Variants in EXOC6B observed in about 807,000 individuals in gnomAD.
EXOC6B encodes SEC15 homolog B.
EXOC6B carries 54 observed loss-of-function variants against 113.5 expected under a neutral mutation model. That is an observed-to-expected ratio of 0.48 (90% CI 0.38 to 0.60). The LOEUF (loss-of-function observed/expected upper bound fraction) is 0.60. Ranked by LOEUF, EXOC6B falls within the 20% of genes least tolerant of loss-of-function variation. The pLI, the probability that EXOC6B is intolerant of heterozygous loss-of-function variation, is 0.00. For synonymous variants in EXOC6B, 357 were observed against 339.0 expected (o/e 1.05, Z -0.58); for missense variants, 797 against 977.5 (o/e 0.82, Z 2.46).
At chr2:72,687,870 G>A (rs1573624653) in intron 6 of EXOC6B, among the ~76,000 whole-genome samples, 2 of 152,222 alleles carry the variant, frequency 1.3e-5, no homozygotes, top group East Asian at 1.9e-4. Flanking sequence ...CTGAAAACAG[G>A]GGATTAAGTA....
chr2:72,265,150 T>C (rs991007539), intron 20 of EXOC6B, among the ~76,000 whole-genome samples: 67 of 152,170 alleles, frequency 4.4e-4, no homozygotes, highest in African/African-American at 1.5e-3. Flanking sequence ...CTGTTAGTGA[T>C]ATGGACAATG....
chr2:72,248,344 G>C (rs996366664), intron 20 of EXOC6B, among the ~76,000 whole-genome samples: 1 of 152,022 alleles, frequency 6.6e-6, no homozygotes, highest in African/African-American at 2.4e-5. Context: ...ATCATAAATA[G>C]CACTTAGTAG....
At chr2:72,248,638 C>T (rs1283985802) in intron 20 of EXOC6B, among the ~76,000 whole-genome samples, 2 of 152,076 alleles carry the variant, frequency 1.3e-5, no homozygotes, top group Non-Finnish European at 2.9e-5. Context: ...TTGTTCATTG[C>T]TTAATCTCTT....
chr2:72,287,244 A>C (rs903432751), intron 20 of EXOC6B, among the ~76,000 whole-genome samples: 1 of 151,860 alleles, frequency 6.6e-6, no homozygotes, highest in Non-Finnish European at 1.5e-5. Context: ...CCTGGCTAAC[A>C]CGATGAAACC....
At chr2:72,495,927 A>T (rs369588309) in intron 14 of EXOC6B, among the ~76,000 whole-genome samples, 7 of 152,180 alleles carry the variant, frequency 4.6e-5, no homozygotes, top group African/African-American at 1.7e-4. Context: ...AAGTAGATGC[A>T]CAGAGCCCAG....
chr2:72,574,299 T>C (rs1035932473), intron 7 of EXOC6B, among the ~76,000 whole-genome samples: 5 of 151,862 alleles, frequency 3.3e-5, no homozygotes, highest in Non-Finnish European at 5.9e-5. Flanking sequence ...ATAATGACAA[T>C]AGAGATACAT....
chr2:72,577,679 T>C (rs757535271), intron 6 of EXOC6B, among the ~76,000 whole-genome samples: 6 of 151,454 alleles, frequency 4.0e-5, no homozygotes, highest in Non-Finnish European at 8.8e-5. Context: ...ATACATATAA[T>C]ATATATTAAA....
Position 72,697,825 on chromosome 2 carries a change from T to C in EXOC6B, c.669+20278A>G, listed in dbSNP as rs554689427. 2.6e-5 allele frequency among the ~76,000 whole-genome samples: 4 copies of C among 152,336 alleles called. No homozygotes were observed. In the East Asian group the frequency reaches 7.7e-4, roughly 29 times the overall value. ...ACTCCACCATCCCACAATATTTTAC[T>C]TACTACACTAATATCACTACAACTA... On this transcript the variant is annotated intron_variant, in intron 6 of 21. Transcript: ENST00000272427.
At chr2:72,555,420 G>T (rs1573384559) in intron 8 of EXOC6B, among the ~76,000 whole-genome samples, 1 of 152,126 alleles carries the variant, frequency 6.6e-6, no homozygotes, top group African/African-American at 2.4e-5. Flanking sequence ...AGCATCTGTT[G>T]TTTCCTGACT....
At chr2:72,402,255 G>A (rs986934658) in intron 18 of EXOC6B, among the ~76,000 whole-genome samples, 3 of 151,828 alleles carry the variant, frequency 2.0e-5, no homozygotes, top group Admixed American at 1.3e-4. Context: ...GGAATTTGTC[G>A]ATTTCATCTA....
chr2:72,645,696 G>T (rs1289603487), intron 6 of EXOC6B, among the ~76,000 whole-genome samples: 1 of 152,088 alleles, frequency 6.6e-6, no homozygotes, highest in Non-Finnish European at 1.5e-5. Flanking sequence ...TGACTACTGG[G>T]TAAATAAAAA....
chr2:72,403,842 G>C (rs567673585), intron 18 of EXOC6B, among the ~76,000 whole-genome samples: 2 of 152,168 alleles, frequency 1.3e-5, no homozygotes, highest in East Asian at 1.9e-4. Flanking sequence ...CATCTCAGTG[G>C]GGGGTGTCAG....
chr2:72,609,972 C>A (rs927627027), intron 6 of EXOC6B, among the ~76,000 whole-genome samples: 1 of 151,840 alleles, frequency 6.6e-6, no homozygotes, highest in Non-Finnish European at 1.5e-5. Flanking sequence ...GTTTAAAGTG[C>A]TGAAGAAAAA....
At chr2:72,619,179 C>CAGAGAGAGAGAGAG (rs139874004) in intron 6 of EXOC6B, among the ~76,000 whole-genome samples, 1 of 145,826 alleles carries the variant, frequency 6.9e-6, no homozygotes, top group East Asian at 2.0e-4. Flanking sequence ...AATACACAGC[C>CAGAGAGAGAGAGAG]AGAGAGAGAG....
intron 6 of EXOC6B, among the ~76,000 whole-genome samples, chr2:72,688,507 T>C (rs2104577565): frequency 6.6e-6 from 1 of 151,398 alleles, no homozygotes; most frequent in South Asian, 2.1e-4. Context: ...CCAGCTTCCA[T>C]GAGTTATGAG....
intron 16 of EXOC6B, among the ~76,000 whole-genome samples, chr2:72,487,820 A>T (rs1699520797): frequency 6.6e-6 from 1 of 152,250 alleles, no homozygotes; most frequent in South Asian, 2.1e-4. Flanking sequence ...AAAGGTACAT[A>T]CTATCAACAT....
At chr2:72,536,493 A>T (rs1283269994) in intron 8 of EXOC6B, among the ~76,000 whole-genome samples, 2 of 152,172 alleles carry the variant, frequency 1.3e-5, no homozygotes, top group Non-Finnish European at 2.9e-5. Context: ...ATATCTTACC[A>T]TCACTTTTTT....
At chr2:72,225,017 CTT>C (rs561909036) in intron 20 of EXOC6B, among the ~76,000 whole-genome samples, 4 of 104,460 alleles carry the variant, frequency 3.8e-5, no homozygotes, top group Non-Finnish European at 4.5e-5. Flanking sequence ...AATACACATA[CTT>C]TTTTTTTTTT....
intron 2 of EXOC6B, 133 bp from the exon 3 acceptor site, chr2:72,733,251 A>G: frequency 1.5e-6 from 1 of 666,600 alleles, no homozygotes; most frequent in Non-Finnish European, 2.6e-6. Context: ...ATATTGGTCC[A>G]GTGGCATTCT....
Sources: gnomAD v4.1 joint callset for allele counts (sites outside exome capture counted in the v4.1 genomes callset) on GRCh38, gnomAD v4.1.1 for gene constraint, MANE v1.5 for transcripts, NCBI Gene and HGNC (gene_info 2026-07-23, HGNC 2026-07-21) for gene names.